FSTL5: variants seen among roughly 807,000 people sequenced by gnomAD.
The protein encoded by FSTL5 is follistatin-related protein 5.
A neutral mutation model predicts 89.1 loss-of-function variants in FSTL5; 62 were observed. The ratio of observed to expected loss-of-function variants is 0.70; its 90% confidence interval spans 0.57 to 0.86. FSTL5 has a LOEUF of 0.86. Among genes scored for constraint, FSTL5 ranks in the 40% least tolerant of loss-of-function variants. The probability of loss-of-function intolerance (pLI) is 0.00; values close to 1 mark genes in which losing one functional copy is unlikely to be tolerated. For missense variants in FSTL5, 1,057 were observed against 1,001.6 expected (o/e 1.06, Z -0.75); for synonymous variants, 383 against 346.2 (o/e 1.11, Z -1.18).
chr4:161,925,223 A>G (rs559347628), intron 3 of FSTL5, among the ~76,000 whole-genome samples: 23 of 152,040 alleles, frequency 1.5e-4, no homozygotes, highest in South Asian at 6.2e-4. Context: ...TTTATAGTTC[A>G]CCTGCCTTGA....
At position 161,666,992 on chromosome 4, in the gene FSTL5, A is replaced by T. The variant is rs143347234; in HGVS notation, c.728-10498T>A. On this transcript the variant is annotated intron_variant, in intron 6 of 15. Coordinates refer to ENST00000306100, the MANE Select transcript of FSTL5 (RefSeq NM_020116.5). Reference sequence around the variant, plus strand: ...AAAAATTCTTGTGCAGAATTGAAATATTGTTTTTTATTCTCATTATATTCT... The same window carrying T: ...AAAAATTCTTGTGCAGAATTGAAATTTTGTTTTTTATTCTCATTATATTCT... Among the ~76,000 whole-genome samples the T allele has an allele frequency of 6.0e-3, 909 of 152,082 alleles. 9 individuals carry two copies. Among genetic ancestry groups the T allele is most frequent in the South Asian group, 0.045 (219 of 4,828 alleles).
chr4:162,036,681 A>G (rs1737753404), intron 2 of FSTL5, among the ~76,000 whole-genome samples: 1 of 152,068 alleles, frequency 6.6e-6, no homozygotes, highest in African/African-American at 2.4e-5. Flanking sequence ...GAGAAAAATC[A>G]AGAGATCAAG....
intron 2 of FSTL5, among the ~76,000 whole-genome samples, chr4:162,060,197 C>T (rs1297500474): frequency 6.6e-6 from 1 of 152,012 alleles, no homozygotes; most frequent in East Asian, 1.9e-4. Flanking sequence ...CTTCTATCTT[C>T]CATAATCTGA....
chr4:161,521,722 G>A (rs577871897), intron 10 of FSTL5, among the ~76,000 whole-genome samples: 2 of 151,696 alleles, frequency 1.3e-5, no homozygotes, highest in East Asian at 2.0e-4. Flanking sequence ...GGTGGCAGGT[G>A]CCTGTAGTCC....
At chr4:162,031,068 C>T (rs1438211927) in intron 3 of FSTL5, among the ~76,000 whole-genome samples, 1 of 152,142 alleles carries the variant, frequency 6.6e-6, no homozygotes, top group African/African-American at 2.4e-5. Context: ...GTAGTTGACC[C>T]TTACTTTCAA....
At chr4:161,874,933 A>G (rs1033073778) in intron 4 of FSTL5, among the ~76,000 whole-genome samples, 2 of 152,142 alleles carry the variant, frequency 1.3e-5, no homozygotes, top group African/African-American at 2.4e-5. Flanking sequence ...GTATACATAC[A>G]TATATACACA....
chr4:161,449,361 T>C (rs528941339), intron 15 of FSTL5, among the ~76,000 whole-genome samples: 7 of 152,326 alleles, frequency 4.6e-5, no homozygotes, highest in Non-Finnish European at 1.0e-4. Context: ...ATTTAAAGAT[T>C]GATTTCTATA....
At chr4:161,846,115 A>T (rs1252012960) in intron 4 of FSTL5, among the ~76,000 whole-genome samples, 1 of 151,922 alleles carries the variant, frequency 6.6e-6, no homozygotes, top group Non-Finnish European at 1.5e-5. Flanking sequence ...GTGTGCACGC[A>T]CAAGTATGTG....
intron 6 of FSTL5, among the ~76,000 whole-genome samples, chr4:161,714,167 C>A (rs547202485): frequency 6.6e-6 from 1 of 152,208 alleles, no homozygotes; most frequent in East Asian, 1.9e-4. Flanking sequence ...GTTTCAGGAG[C>A]CTTCCATCTG....
chr4:161,738,565 C>T (rs1739898765), intron 6 of FSTL5, among the ~76,000 whole-genome samples: 1 of 151,920 alleles, frequency 6.6e-6, no homozygotes, highest in Non-Finnish European at 1.5e-5. Flanking sequence ...GACCCAGATA[C>T]CAGGATAATT....
At chr4:161,872,757 T>C (rs557540825) in intron 4 of FSTL5, among the ~76,000 whole-genome samples, 1 of 152,308 alleles carries the variant, frequency 6.6e-6, no homozygotes, top group East Asian at 1.9e-4. Flanking sequence ...TGCTACTGTT[T>C]GCATGTAAAG....
intron 2 of FSTL5, among the ~76,000 whole-genome samples, chr4:162,080,689 A>T (rs1730058185): frequency 6.6e-6 from 1 of 151,592 alleles, no homozygotes; most frequent in South Asian, 2.1e-4. Flanking sequence ...GTTGCTTTTC[A>T]GTTTGAGTAT....
chr4:161,828,860 A>G (rs1730749874), intron 4 of FSTL5, among the ~76,000 whole-genome samples: 1 of 152,070 alleles, frequency 6.6e-6, no homozygotes, highest in Non-Finnish European at 1.5e-5. Flanking sequence ...CCTGCATACA[A>G]AGAAAGAACA....
intron 3 of FSTL5, among the ~76,000 whole-genome samples, chr4:162,024,308 C>T (rs1307669309): frequency 2.6e-5 from 4 of 152,086 alleles, no homozygotes; most frequent in African/African-American, 7.2e-5. Flanking sequence ...TGAATATATA[C>T]AATTCTTCTG....
At chr4:161,842,287 C>T (rs894729856) in intron 4 of FSTL5, among the ~76,000 whole-genome samples, 10 of 152,080 alleles carry the variant, frequency 6.6e-5, no homozygotes, top group African/African-American at 1.9e-4. Context: ...CTATGCAGTT[C>T]ATTTTTACAG....
chr4:161,969,250 A>G (rs571651693), intron 3 of FSTL5, among the ~76,000 whole-genome samples: 31 of 152,102 alleles, frequency 2.0e-4, no homozygotes, highest in African/African-American at 6.5e-4. Context: ...TTTAATTCAT[A>G]CTGTCTCCAT....
chr4:161,516,381 A>G (rs894391012), intron 10 of FSTL5, among the ~76,000 whole-genome samples: 2 of 143,724 alleles, frequency 1.4e-5, no homozygotes, highest in Non-Finnish European at 3.1e-5. Context: ...ATATATATAC[A>G]TGTGTGAATT....
intron 11 of FSTL5, among the ~76,000 whole-genome samples, chr4:161,503,129 A>T (rs907125390): frequency 6.6e-6 from 1 of 151,802 alleles, no homozygotes; most frequent in East Asian, 1.9e-4. Flanking sequence ...CCCCATATCA[A>T]ATTTAAAGAT....
chr4:161,940,335 C>T (rs1449319399), intron 3 of FSTL5, among the ~76,000 whole-genome samples: 2 of 151,250 alleles, frequency 1.3e-5, no homozygotes, highest in Non-Finnish European at 3.0e-5. Context: ...AACAGTAGTC[C>T]CAGAAGAGGA....
Sources: gnomAD v4.1 joint callset for allele counts (sites outside exome capture counted in the v4.1 genomes callset) on GRCh38, gnomAD v4.1.1 for gene constraint, MANE v1.5 for transcripts, NCBI Gene and HGNC (gene_info 2026-07-23, HGNC 2026-07-21) for gene names.